AGMO: variants seen among roughly 807,000 people sequenced by gnomAD.
AGMO encodes the protein glyceryl-ether monooxygenase.
Under a neutral mutation model 60.2 loss-of-function variants are expected in AGMO, and 75 were observed. That is an observed-to-expected ratio of 1.25 (90% CI 1.03 to 1.51). The LOEUF is 1.51. Ranked by LOEUF, AGMO falls within the 40% of genes most tolerant of loss-of-function variation. The pLI is 0.00. For missense variants in AGMO, 763 were observed against 525.5 expected, an observed-to-expected ratio of 1.45 and a Z score of -4.42; for synonymous variants, 261 against 177.1, an observed-to-expected ratio of 1.47 and a Z score of -3.76.
chr7:15,363,047 T>C (rs754199323), intron 12 of AGMO, among the ~76,000 whole-genome samples: 35 of 152,132 alleles, frequency 2.3e-4, no homozygotes, highest in Non-Finnish European at 4.6e-4. Context: ...ACATCATAGG[T>C]TTGATATGAA....
chr7:15,338,758 G>A lies in AGMO; in HGVS notation c.1263+26756C>T, dbSNP rs73679476. Among the ~76,000 whole-genome samples the A allele has an allele frequency of 4.6e-3, 707 of 152,120 alleles. 4 individuals carry two copies. Among genetic ancestry groups the A allele is most frequent in the African/African-American group, 0.016 (676 of 41,482 alleles). On this transcript the variant is annotated intron_variant, in intron 12 of 12. Coordinates refer to ENST00000342526, the MANE Select transcript of AGMO (RefSeq NM_001004320.2). Reference sequence around the variant, plus strand: ...AGTCATTTAACCTCTTGTAACTACTGGCCACTTTTCTTCCTCTGGAAAAGG... The same window carrying A: ...AGTCATTTAACCTCTTGTAACTACTAGCCACTTTTCTTCCTCTGGAAAAGG...
chr7:15,339,058 G>C (rs1208716314), intron 12 of AGMO, among the ~76,000 whole-genome samples: 5 of 152,188 alleles, frequency 3.3e-5, no homozygotes. Flanking sequence ...CCAGGTTACT[G>C]TAGTAGCGGA....
intron 12 of AGMO, among the ~76,000 whole-genome samples, chr7:15,247,260 G>A (rs368076781): frequency 6.6e-6 from 1 of 151,972 alleles, no homozygotes. Context: ...ATAATTATAT[G>A]TATTTATATT....
chr7:15,387,296 G>A (rs1783955311), intron 9 of AGMO, 110 bp downstream of exon 9: 4 of 1,274,738 alleles, frequency 3.1e-6, no homozygotes, highest in South Asian at 2.9e-5. Flanking sequence ...ATCTGACTGG[G>A]GGAACATCTT....
At chr7:15,275,589 A>G (rs1783758453) in intron 12 of AGMO, among the ~76,000 whole-genome samples, 1 of 152,106 alleles carries the variant, frequency 6.6e-6, no homozygotes, top group Admixed American at 6.6e-5. Flanking sequence ...CTTTAAGGTT[A>G]TAATTTCTTT....
intron 3 of AGMO, among the ~76,000 whole-genome samples, chr7:15,479,293 A>T (rs1782685699): frequency 1.3e-5 from 2 of 152,198 alleles, no homozygotes; most frequent in African/African-American, 4.8e-5. Context: ...AGCCAATCAA[A>T]GTTAAGCAAA....
At chr7:15,191,623 G>C in the AGMO span, among the ~76,000 whole-genome samples, 6 of 152,136 alleles carry the variant, frequency 3.9e-5, no homozygotes, top group African/African-American at 1.4e-4. Flanking sequence ...TCGTCAAATT[G>C]AATGGATTCT....
chr7:15,445,162 A>G (rs147314517), intron 3 of AGMO, among the ~76,000 whole-genome samples: 1 of 152,332 alleles, frequency 6.6e-6, no homozygotes, highest in Admixed American at 6.5e-5. Flanking sequence ...TTACTAACAA[A>G]CAATTGTATA....
At chr7:15,195,928 C>T (rs1781105850), downstream of AGMO, among the ~76,000 whole-genome samples, 1 of 151,956 alleles carries the variant, frequency 6.6e-6, no homozygotes, top group South Asian at 2.1e-4. Flanking sequence ...ATCTCCATTC[C>T]CCACTCTACC....
At chr7:15,269,724 G>A (rs111772115) in intron 12 of AGMO, among the ~76,000 whole-genome samples, 1 of 151,948 alleles carries the variant, frequency 6.6e-6, no homozygotes, top group African/African-American at 2.4e-5. Flanking sequence ...AGTGAACAAC[G>A]AAACCAATAG....
At chr7:15,183,036 G>T in the AGMO span, among the ~76,000 whole-genome samples, 3 of 152,038 alleles carry the variant, frequency 2.0e-5, no homozygotes, top group Admixed American at 2.0e-4. Context: ...CTCCCACCAG[G>T]TCTCACCTTC....
intron 3 of AGMO, among the ~76,000 whole-genome samples, chr7:15,515,330 T>A (rs1312653801): frequency 6.6e-6 from 1 of 152,190 alleles, no homozygotes; most frequent in South Asian, 2.1e-4. Context: ...TACTTTTACT[T>A]TGGACATTAT....
downstream of AGMO, among the ~76,000 whole-genome samples, chr7:15,200,071 A>G (rs1781234727): frequency 6.6e-6 from 1 of 152,196 alleles, no homozygotes; most frequent in Admixed American, 6.5e-5. Context: ...GCAAAGCTCA[A>G]TGAAGAACAG....
intron 3 of AGMO, among the ~76,000 whole-genome samples, chr7:15,470,624 C>T (rs1309827490): frequency 2.0e-5 from 3 of 151,918 alleles, no homozygotes; most frequent in African/African-American, 7.2e-5. Context: ...CAAACCCTTA[C>T]AATGCTGAAA....
chr7:15,385,708 G>C, intron 9 of AGMO, 146 bp from the exon 10 acceptor site: 2 of 639,344 alleles, frequency 3.1e-6, no homozygotes, highest in South Asian at 3.6e-5. Context: ...ACATGTCTAA[G>C]TTAGGAGACT....
chr7:15,130,372 C>T, the AGMO span, among the ~76,000 whole-genome samples: 1 of 150,956 alleles, frequency 6.6e-6, no homozygotes, highest in Admixed American at 6.6e-5. Context: ...TTTTTCTCTC[C>T]TAGAACTAAA....
At chr7:15,376,197 C>G (rs1381688419) in intron 10 of AGMO, among the ~76,000 whole-genome samples, 1 of 151,454 alleles carries the variant, frequency 6.6e-6, no homozygotes, top group Non-Finnish European at 1.5e-5. Flanking sequence ...TTTTTTTTCC[C>G]CCACATTACG....
At chr7:15,470,712 C>T (rs1782431222) in intron 3 of AGMO, among the ~76,000 whole-genome samples, 1 of 151,564 alleles carries the variant, frequency 6.6e-6, no homozygotes, top group Non-Finnish European at 1.5e-5. Context: ...TTTTTTAATT[C>T]TCAACATAAA....
At chr7:15,429,375 T>C (rs1781163834) in intron 4 of AGMO, among the ~76,000 whole-genome samples, 1 of 151,944 alleles carries the variant, frequency 6.6e-6, no homozygotes, top group South Asian at 2.1e-4. Flanking sequence ...AAAGGACATG[T>C]GGACAAAGAA....
Sources: allele counts gnomAD v4.1 joint callset (sites outside exome capture counted in the v4.1 genomes callset), GRCh38; gene constraint gnomAD v4.1.1; transcripts MANE v1.5; gene names NCBI Gene and HGNC (gene_info 2026-07-23, HGNC 2026-07-21).